Variants in MACROD2 observed in about 807,000 individuals in gnomAD.
MACROD2 encodes ADP-ribose glycohydrolase MACROD2.
In MACROD2, 36 loss-of-function variants were observed where a neutral mutation model predicts 70.4. The ratio of observed to expected loss-of-function variants is 0.51; its 90% confidence interval spans 0.39 to 0.68. The LOEUF is 0.68. Among genes scored for constraint, MACROD2 ranks in the 30% least tolerant of loss-of-function variants. MACROD2 has a pLI of 0.00. For missense variants in MACROD2, 496 were observed against 538.4 expected, an observed-to-expected ratio of 0.92 and a Z score of 0.78; for synonymous variants, 172 against 178.8, an observed-to-expected ratio of 0.96 and a Z score of 0.30.
intron 15 of MACROD2, among the ~76,000 whole-genome samples, chr20:15,999,382 T>C (rs935559009): frequency 6.6e-6 from 1 of 152,208 alleles, no homozygotes. Flanking sequence ...TAAGATTTGC[T>C]TTATGGCCTA....
intron 2 of MACROD2, chr20:14,051,787 G>A (rs2053571132): frequency 4.4e-6 from 2 of 456,138 alleles, no homozygotes; most frequent in Non-Finnish European, 8.8e-6. Context: ...TAACATGTAA[G>A]TATAATCACA....
chr20:14,812,992 G>C (rs1276099675), intron 5 of MACROD2, among the ~76,000 whole-genome samples: 1 of 151,912 alleles, frequency 6.6e-6, no homozygotes, highest in African/African-American at 2.4e-5. Context: ...TTGCTGGAGT[G>C]GCTCACAGAA....
intron 8 of MACROD2, among the ~76,000 whole-genome samples, chr20:15,532,660 A>T (rs1346513039): frequency 1.5e-5 from 2 of 130,834 alleles, no homozygotes; most frequent in Admixed American, 7.4e-5. Flanking sequence ...TAAACCAAAA[A>T]ATAAGCACAC....
rs116868980 is a variant in MACROD2, at chr20:14,430,383, G to A, written c.272-63096G>A. 4.2e-3 allele frequency among the ~76,000 whole-genome samples: 643 copies of A among 152,212 alleles called. 1 individual carries two copies. Among genetic ancestry groups the A allele is most frequent in the Non-Finnish European group, 7.1e-3 (481 of 68,006 alleles). On this transcript the variant is annotated intron_variant, in intron 3 of 17. Coordinates refer to ENST00000684519, the MANE Select transcript of MACROD2 (RefSeq NM_001351661.2). ...AGAACATCTAGGAGACGGTTCTGTC[G>A]TGCTAGGATCTAGGTTAGGCAGTAA...
intron 8 of MACROD2, among the ~76,000 whole-genome samples, chr20:15,599,927 CCT>C (rs1487709227): frequency 6.6e-6 from 1 of 152,080 alleles, no homozygotes; most frequent in Non-Finnish European, 1.5e-5. Flanking sequence ...TTTAAATCCC[CCT>C]GTCTTTTCCT....
At chr20:14,944,439 C>T (rs1340491530) in intron 5 of MACROD2, among the ~76,000 whole-genome samples, 1 of 152,176 alleles carries the variant, frequency 6.6e-6, no homozygotes, top group Non-Finnish European at 1.5e-5. Context: ...AAATTGTATA[C>T]TGTGCCTTGA....
At chr20:14,960,411 T>C (rs2074573291) in intron 5 of MACROD2, among the ~76,000 whole-genome samples, 1 of 152,186 alleles carries the variant, frequency 6.6e-6, no homozygotes, top group African/African-American at 2.4e-5. Flanking sequence ...CTGTATATCT[T>C]GTTTTGAAAT....
chr20:15,020,024 G>A (rs996538973), intron 5 of MACROD2, among the ~76,000 whole-genome samples: 2 of 152,074 alleles, frequency 1.3e-5, no homozygotes, highest in South Asian at 4.1e-4. Flanking sequence ...TTCAAAATTA[G>A]TTTTCCCTGT....
chr20:15,991,585 C>T (rs1405930713), intron 15 of MACROD2, among the ~76,000 whole-genome samples: 1 of 152,178 alleles, frequency 6.6e-6, no homozygotes, highest in Non-Finnish European at 1.5e-5. Context: ...ATTGCTCAGG[C>T]ATATTTTTGA....
chr20:14,199,272 C>A (rs1166298180), intron 3 of MACROD2, among the ~76,000 whole-genome samples: 2 of 152,182 alleles, frequency 1.3e-5, no homozygotes, highest in Admixed American at 6.5e-5. Flanking sequence ...CGGTGAGTGA[C>A]AAGGGTTCTG....
chr20:15,676,315 T>G (rs2050056581), intron 8 of MACROD2, among the ~76,000 whole-genome samples: 1 of 152,216 alleles, frequency 6.6e-6, no homozygotes, highest in South Asian at 2.1e-4. Flanking sequence ...ATTTGAACAT[T>G]CCACTTAAAA....
At chr20:16,008,113 C>T (rs1256445106) in intron 15 of MACROD2, among the ~76,000 whole-genome samples, 2 of 152,196 alleles carry the variant, frequency 1.3e-5, no homozygotes. Flanking sequence ...CCTGACGTTT[C>T]TGCTGACTCA....
At chr20:15,522,839 C>G (rs2047670922) in intron 8 of MACROD2, among the ~76,000 whole-genome samples, 1 of 152,092 alleles carries the variant, frequency 6.6e-6, no homozygotes, top group African/African-American at 2.4e-5. Context: ...TATACGTAAG[C>G]CTGCCTTTTG....
chr20:14,215,337 T>TATCTATGCCATCATATATACAC (rs1166198341), intron 3 of MACROD2, among the ~76,000 whole-genome samples: 10 of 131,044 alleles, frequency 7.6e-5, no homozygotes, highest in Non-Finnish European at 1.4e-4. Context: ...CCATCATATA[T>TATCTATGCCATCATATATACAC]ACACACACAC....
chr20:15,461,007 T>TATA (rs1491341955), intron 7 of MACROD2, among the ~76,000 whole-genome samples: 3 of 42,838 alleles, frequency 7.0e-5, no homozygotes, highest in African/African-American at 2.2e-4. Context: ...TATATATATA[T>TATA]TTTTTTTTAA....
At chr20:14,283,580 A>G (rs556271667) in intron 3 of MACROD2, among the ~76,000 whole-genome samples, 1 of 152,358 alleles carries the variant, frequency 6.6e-6, no homozygotes, top group African/African-American at 2.4e-5. Context: ...CTTAATTACA[A>G]TCTCCTTTGG....
At chr20:15,193,843 G>T (rs1169694149) in intron 5 of MACROD2, among the ~76,000 whole-genome samples, 1 of 151,958 alleles carries the variant, frequency 6.6e-6, no homozygotes, top group African/African-American at 2.4e-5. Context: ...ATAGTAAAAA[G>T]CAGCATCAGG....
chr20:14,152,646 C>T (rs1024870317), intron 3 of MACROD2, among the ~76,000 whole-genome samples: 1 of 152,010 alleles, frequency 6.6e-6, no homozygotes, highest in Non-Finnish European at 1.5e-5. Flanking sequence ...AGGCGGGTTT[C>T]GAACTCCTGA....
At chr20:14,870,327 A>G (rs1010560126) in intron 5 of MACROD2, among the ~76,000 whole-genome samples, 6 of 152,108 alleles carry the variant, frequency 3.9e-5, no homozygotes, top group African/African-American at 1.4e-4. Flanking sequence ...TATATGACAC[A>G]TTATCCAGTC....
Sources: allele counts gnomAD v4.1 joint callset (sites outside exome capture counted in the v4.1 genomes callset), GRCh38; gene constraint gnomAD v4.1.1; transcripts MANE v1.5; gene names NCBI Gene and HGNC (gene_info 2026-07-23, HGNC 2026-07-21).